The following CCSER1 variants were observed in gnomAD, a reference collection of about 807,000 sequenced individuals.
CCSER1 encodes coiled-coil serine rich protein 1.
A neutral mutation model predicts 82.0 loss-of-function variants in CCSER1; 41 were observed. The observed-to-expected ratio is 0.50, with a 90% CI of 0.39 to 0.65. The LOEUF is 0.65. Among genes scored for constraint, CCSER1 ranks in the 30% least tolerant of loss-of-function variants. The pLI is 0.00. For synonymous variants in CCSER1, 414 were observed against 383.9 expected (o/e 1.08, Z -0.92); for missense variants, 1,119 against 1,064.2 (o/e 1.05, Z -0.72).
At chr4:90,196,656 TACACAC>T (rs34346681) in intron 1 of CCSER1, among the ~76,000 whole-genome samples, 85 of 143,872 alleles carry the variant, frequency 5.9e-4, no homozygotes, top group Admixed American at 3.3e-3. Flanking sequence ...CCTGCTCAGA[TACACAC>T]ACACACACAC....
At chr4:91,595,943 TAAAAAAA>T (rs1170927227) in intron 10 of CCSER1, among the ~76,000 whole-genome samples, 3 of 78,868 alleles carry the variant, frequency 3.8e-5, no homozygotes, top group Admixed American at 2.8e-4. Context: ...ACAGAGAACT[TAAAAAAA>T]AAAAAAAAAA....
chr4:91,255,894 C>A (rs541466856), intron 10 of CCSER1, among the ~76,000 whole-genome samples: 2 of 152,170 alleles, frequency 1.3e-5, no homozygotes, highest in African/African-American at 2.4e-5. Context: ...GTTAACTGCA[C>A]AAATTGTTCG....
chr4:91,221,364 T>G (rs1737727378), intron 10 of CCSER1, among the ~76,000 whole-genome samples: 1 of 152,270 alleles, frequency 6.6e-6, no homozygotes, highest in African/African-American at 2.4e-5. Flanking sequence ...GAAAACAGTC[T>G]AATCCTCTGT....
intron 9 of CCSER1, among the ~76,000 whole-genome samples, chr4:90,946,276 A>G (rs1732228696): frequency 6.6e-6 from 1 of 152,146 alleles, no homozygotes; most frequent in South Asian, 2.1e-4. Flanking sequence ...TATTATGTAT[A>G]TTGACTTATG....
At chr4:90,688,163 C>T (rs1735160977) in intron 6 of CCSER1, among the ~76,000 whole-genome samples, 2 of 152,092 alleles carry the variant, frequency 1.3e-5, no homozygotes, top group South Asian at 2.1e-4. Context: ...GTGTTAAGGA[C>T]ATCTGTATAC....
At chr4:90,425,504 C>A (rs905029931) in intron 4 of CCSER1, among the ~76,000 whole-genome samples, 2 of 152,106 alleles carry the variant, frequency 1.3e-5, no homozygotes, top group African/African-American at 4.8e-5. Flanking sequence ...TAGACTGACT[C>A]AATGAGCCCA....
intron 5 of CCSER1, among the ~76,000 whole-genome samples, chr4:90,627,510 A>T (rs1723514217): frequency 6.6e-6 from 1 of 152,120 alleles, no homozygotes; most frequent in Admixed American, 6.6e-5. Flanking sequence ...AATATTCTGA[A>T]GTATGTTACA....
At chr4:90,529,436 G>A (rs1276701011) in intron 5 of CCSER1, among the ~76,000 whole-genome samples, 1 of 152,018 alleles carries the variant, frequency 6.6e-6, no homozygotes, top group African/African-American at 2.4e-5. Context: ...CACCATGTTG[G>A]CTAAGCTGGT....
chr4:91,325,971 T>C (rs749299441), intron 10 of CCSER1, among the ~76,000 whole-genome samples: 3 of 136,498 alleles, frequency 2.2e-5, no homozygotes, highest in African/African-American at 5.7e-5. Context: ...GAGTTTTCTT[T>C]GAAAGAGTAG....
chr4:90,900,315 A>G (rs1186481050), intron 8 of CCSER1, among the ~76,000 whole-genome samples: 5 of 151,512 alleles, frequency 3.3e-5, no homozygotes, highest in Non-Finnish European at 1.5e-5. Context: ...TTGTAATGTC[A>G]CTTTTGTCAT....
intron 10 of CCSER1, among the ~76,000 whole-genome samples, chr4:91,539,362 C>T (rs966130155): frequency 2.6e-5 from 4 of 152,150 alleles, no homozygotes; most frequent in East Asian, 3.9e-4. Context: ...GACGCTTAAA[C>T]TTATCTTTGA....
At position 91,603,686 on chromosome 4, in the gene CCSER1, C is replaced by G. The variant is rs2110370616; in HGVS notation, c.*4629C>G. On this transcript the variant is annotated 3_prime_UTR_variant, in exon 11 of 11. Coordinates refer to ENST00000509176, the MANE Select transcript of CCSER1 (RefSeq NM_001145065.2). ...ATAGGAGCATCCTACATCTTTCATT[C>G]TTTCCAAACATTACCTCTTTAGTAA... 1 of 152,180 alleles carries G rather than the reference C, an allele frequency of 6.6e-6. No individual in the cohort carries two copies. The highest frequency in any genetic ancestry group is 1.5e-5 in the Non-Finnish European group (1 of 67,990). 9.4% of individuals were successfully genotyped at this position (152,180 alleles called of 1,614,324 possible).
At chr4:90,343,019 C>T (rs544162657) in intron 3 of CCSER1, among the ~76,000 whole-genome samples, 2 of 151,856 alleles carry the variant, frequency 1.3e-5, no homozygotes, top group East Asian at 3.9e-4. Flanking sequence ...CTGCATTTTC[C>T]CCCAAATGAT....
At chr4:91,361,964 G>A (rs574446736) in intron 10 of CCSER1, among the ~76,000 whole-genome samples, 3 of 151,750 alleles carry the variant, frequency 2.0e-5, no homozygotes, top group Admixed American at 6.6e-5. Flanking sequence ...TACAATCTTG[G>A]TTACAAAAAA....
intron 5 of CCSER1, among the ~76,000 whole-genome samples, chr4:90,615,702 G>A (rs1721062024): frequency 1.3e-5 from 2 of 150,690 alleles, no homozygotes; most frequent in African/African-American, 4.9e-5. Context: ...TTTTGAGATA[G>A]ATTCTACTCT....
At chr4:91,579,820 G>C (rs1763643405) in intron 10 of CCSER1, among the ~76,000 whole-genome samples, 1 of 151,804 alleles carries the variant, frequency 6.6e-6, no homozygotes, top group Non-Finnish European at 1.5e-5. Context: ...TCCAAAAGCA[G>C]TCTTTACTTT....
In CCSER1 at chr4:90,628,105, C is replaced by T. The variant is rs1243783856; in HGVS notation, c.1805C>T (p.Ser602Phe). 1 of 1,613,694 alleles carries T rather than the reference C, an allele frequency of 6.2e-7. No individual in the cohort carries two copies. Among genetic ancestry groups the T allele is most frequent in the South Asian group, 1.1e-5 (1 of 91,076 alleles). Residue 602 changes from serine to phenylalanine, a missense_variant, in exon 6 of 11, where the codon TCT (serine) becomes TTT (phenylalanine). Physicochemically the swap from Ser to Phe is radical, Grantham distance 155. Coordinates refer to ENST00000509176, the MANE Select transcript of CCSER1 (RefSeq NM_001145065.2). ...ATCAGCCGAATGCCCAACAGTCCAT[C>T]TGCGGATTGGCCTCTACAAGGTGTG... Reference protein sequence around the residue: ...SHISRMPNSPSADWPLQGVEE... With the variant: ...SHISRMPNSPFADWPLQGVEE...
chr4:90,280,215 A>G (rs902336813), intron 1 of CCSER1, among the ~76,000 whole-genome samples: 1 of 152,010 alleles, frequency 6.6e-6, no homozygotes, highest in Non-Finnish European at 1.5e-5. Context: ...TGAAGTAGTA[A>G]AGTCACTACA....
intron 5 of CCSER1, among the ~76,000 whole-genome samples, chr4:90,574,362 G>A (rs1026493609): frequency 4.8e-5 from 7 of 144,570 alleles, no homozygotes; most frequent in East Asian, 2.1e-4. Flanking sequence ...TCCGCTTCCC[G>A]GGTTCACGCC....
Sources: allele counts gnomAD v4.1 joint callset (sites outside exome capture counted in the v4.1 genomes callset), GRCh38; gene constraint gnomAD v4.1.1; transcripts MANE v1.5; gene names NCBI Gene and HGNC (gene_info 2026-07-23, HGNC 2026-07-21).